NAALADL2: variants seen among roughly 807,000 people sequenced by gnomAD.
NAALADL2 encodes N-acetylated alpha-linked acidic dipeptidase like 2.
Under a neutral mutation model 87.2 loss-of-function variants are expected in NAALADL2, and 76 were observed. That is an observed-to-expected ratio of 0.87 (90% CI 0.72 to 1.05). NAALADL2 has a LOEUF of 1.05. Ranked by LOEUF, NAALADL2 falls within the 50% of genes least tolerant of loss-of-function variation. The probability of loss-of-function intolerance (pLI) is 0.00; values close to 1 mark genes in which losing one functional copy is unlikely to be tolerated. For synonymous variants in NAALADL2, 354 were observed against 331.0 expected, an observed-to-expected ratio of 1.07 and a Z score of -0.75; for missense variants, 1,089 against 945.8, an observed-to-expected ratio of 1.15 and a Z score of -1.99.
intron 9 of NAALADL2, among the ~76,000 whole-genome samples, chr3:175,503,476 T>A (rs1473205979): frequency 6.6e-6 from 1 of 152,166 alleles, no homozygotes; most frequent in Non-Finnish European, 1.5e-5. Context: ...GAATGGTAAT[T>A]CTGTTTTAAG....
At chr3:175,536,571 T>C (rs1734842401) in intron 9 of NAALADL2, among the ~76,000 whole-genome samples, 1 of 152,168 alleles carries the variant, frequency 6.6e-6, no homozygotes, top group African/African-American at 2.4e-5. Context: ...AATTAAATAT[T>C]AAATTAATAG....
At chr3:175,718,389 T>G (rs1741697682) in intron 11 of NAALADL2, 1 of 1,593,916 alleles carries the variant, frequency 6.3e-7, no homozygotes, top group Non-Finnish European at 8.6e-7. Flanking sequence ...TTAGAACTAT[T>G]TACTCCATTC....
intron 4 of NAALADL2, among the ~76,000 whole-genome samples, chr3:175,290,170 T>C (rs764965155): frequency 2.6e-5 from 4 of 152,204 alleles, no homozygotes; most frequent in Non-Finnish European, 4.4e-5. Context: ...GTAAACCTAC[T>C]GTATAACCTA....
intron 9 of NAALADL2, among the ~76,000 whole-genome samples, chr3:175,560,695 C>T (rs575943902): frequency 2.6e-5 from 4 of 152,176 alleles, no homozygotes; most frequent in Non-Finnish European, 5.9e-5. Context: ...AATTTCAGCT[C>T]ACTGCAACCT....
At chr3:175,641,622 T>A (rs1043728189) in intron 11 of NAALADL2, among the ~76,000 whole-genome samples, 6 of 152,174 alleles carry the variant, frequency 3.9e-5, no homozygotes, top group African/African-American at 1.2e-4. Flanking sequence ...TATTGACCAT[T>A]TGGCATAAAA....
chr3:174,837,763 C>T (rs1180412812), intron 3 of NAALADL2, among the ~76,000 whole-genome samples: 2 of 151,992 alleles, frequency 1.3e-5, no homozygotes, highest in Non-Finnish European at 2.9e-5. Flanking sequence ...CACTGCACTG[C>T]AGCCTGGGTG....
chr3:174,847,134 G>T (rs1468583250), intron 3 of NAALADL2, among the ~76,000 whole-genome samples: 2 of 152,078 alleles, frequency 1.3e-5, no homozygotes, highest in Non-Finnish European at 2.9e-5. Flanking sequence ...ACAATATGTT[G>T]GGCCAGTATA....
chr3:175,737,323 T>C lies in NAALADL2; in HGVS notation c.1914T>C (p.Ile638=). Residue 638 remains isoleucine (I), a synonymous_variant, in exon 12 of 14, where the codon ATT becomes ATC. Transcript: ENST00000454872. ...ETITKLSGEV[I]LQIANEPVLP... ...TCTTTCAGCTCTCAGGAGAAGTGAT[T>C]TTGCAAATTGCCAACGAACCTGTTC... is the stretch of plus-strand genomic sequence containing the variant. 6.2e-7 allele frequency: 1 copy of C among 1,608,944 alleles called. No homozygotes were observed. The highest frequency in any genetic ancestry group is 8.5e-7 in the Non-Finnish European group (1 of 1,175,474).
intron 11 of NAALADL2, among the ~76,000 whole-genome samples, chr3:175,685,074 A>G (rs1403096000): frequency 6.6e-6 from 1 of 152,138 alleles, no homozygotes; most frequent in African/African-American, 2.4e-5. Flanking sequence ...AACTCTTGAT[A>G]CCTCACTCCC....
chr3:175,629,281 G>T (rs57562270), intron 11 of NAALADL2, among the ~76,000 whole-genome samples: 39,930 of 147,620 alleles, frequency 0.27, 6,303 homozygotes, highest in African/African-American at 0.45. Flanking sequence ...TTTATATATA[G>T]ATGTATACAC....
chr3:174,828,527 G>A (rs1206121457), intron 3 of NAALADL2, among the ~76,000 whole-genome samples: 1 of 152,132 alleles, frequency 6.6e-6, no homozygotes, highest in African/African-American at 2.4e-5. Flanking sequence ...CTGTATCATG[G>A]AATAAAGGCT....
chr3:175,672,152 G>T lies in NAALADL2; in HGVS notation c.1896+44766G>T, dbSNP rs115283080. 5.7e-3 allele frequency among the ~76,000 whole-genome samples: 875 copies of T among 152,240 alleles called. 11 individuals are homozygous for T. The highest frequency in any genetic ancestry group is 0.02 in the African/African-American group (839 of 41,546). ...GAGGGAGGGAAATGTTGCTGAATTAGAACTTGAACTGGAGTCAAGAGTTAA... is the reference window on the plus strand; with the variant it reads ...GAGGGAGGGAAATGTTGCTGAATTATAACTTGAACTGGAGTCAAGAGTTAA... On this transcript the variant is annotated intron_variant, in intron 11 of 13. Transcript: ENST00000454872.
intron 9 of NAALADL2, among the ~76,000 whole-genome samples, chr3:175,490,597 G>A (rs1186291746): frequency 4.0e-5 from 6 of 148,912 alleles, no homozygotes; most frequent in African/African-American, 5.0e-5. Context: ...TGGTTTCACC[G>A]TGTTAGCCAG....
intron 1 of NAALADL2, among the ~76,000 whole-genome samples, chr3:174,982,548 T>G (rs1351760917): frequency 6.6e-6 from 1 of 152,222 alleles, no homozygotes; most frequent in East Asian, 1.9e-4. Context: ...TTCTCCAAGT[T>G]TAACATTAAT....
chr3:174,452,069 C>A (rs1233351017), intron 1 of NAALADL2, among the ~76,000 whole-genome samples: 23 of 151,826 alleles, frequency 1.5e-4, no homozygotes, highest in Admixed American at 1.5e-3. Flanking sequence ...TCTCGAACTC[C>A]TGGCCTCGAG....
intron 9 of NAALADL2, among the ~76,000 whole-genome samples, chr3:175,482,064 GA>G (rs35372328): frequency 0.6 from 90,981 of 151,022 alleles, 29,402 homozygotes; most frequent in East Asian, 0.89. Context: ...GTACTATTGG[GA>G]AAAAAAATAT....
intron 6 of NAALADL2, among the ~76,000 whole-genome samples, chr3:175,461,745 G>A (rs1723165659): frequency 6.6e-6 from 1 of 152,108 alleles, no homozygotes; most frequent in Admixed American, 6.6e-5. Context: ...AAATAAGCAG[G>A]AAAGATCATT....
At chr3:175,052,019 G>A (rs939198404) in intron 1 of NAALADL2, among the ~76,000 whole-genome samples, 5 of 152,216 alleles carry the variant, frequency 3.3e-5, no homozygotes, top group Non-Finnish European at 5.9e-5. Flanking sequence ...GCAACCTTCA[G>A]AGCTGAGAGC....
At chr3:174,908,904 G>T (rs1733323392) in intron 1 of NAALADL2, among the ~76,000 whole-genome samples, 1 of 151,826 alleles carries the variant, frequency 6.6e-6, no homozygotes, top group Non-Finnish European at 1.5e-5. Context: ...TCCGAAAGAG[G>T]GATGGCTATA....
Sources: gnomAD v4.1 joint callset for allele counts (sites outside exome capture counted in the v4.1 genomes callset) on GRCh38, gnomAD v4.1.1 for gene constraint, MANE v1.5 for transcripts, NCBI Gene and HGNC (gene_info 2026-07-23, HGNC 2026-07-21) for gene names.